The following SRPK2 variants were observed in gnomAD, a reference collection of about 807,000 sequenced individuals.
The protein encoded by SRPK2 is SFRS protein kinase 2.
In SRPK2, 21 loss-of-function variants were observed where a neutral mutation model predicts 90.8. That is an observed-to-expected ratio of 0.23 (90% CI 0.16 to 0.33). The LOEUF is 0.33. Ranked by LOEUF, SRPK2 falls within the 10% of genes least tolerant of loss-of-function variation. The pLI, the probability that SRPK2 is intolerant of heterozygous loss-of-function variation, is 1.00. For synonymous variants in SRPK2, 288 were observed against 311.1 expected, an observed-to-expected ratio of 0.93 and a Z score of 0.78; for missense variants, 620 against 869.0, an observed-to-expected ratio of 0.71 and a Z score of 3.60.
rs1803774369 is a variant in SRPK2 at position 105,258,907 on chromosome 7, A to G, written c.72-55122T>C. ...TATCTCAAAGTAATAGGAGTTATTTATGACAAACCCACAGCCAATATCATA... is the reference window on the plus strand; with the variant it reads ...TATCTCAAAGTAATAGGAGTTATTTGTGACAAACCCACAGCCAATATCATA... On this transcript the variant is annotated intron_variant, in intron 2 of 15. Transcript: ENST00000393651. Among the ~76,000 whole-genome samples, 3 of 152,348 alleles carry G rather than the reference A, an allele frequency of 2.0e-5. No individual in the cohort carries two copies. The South Asian group carries it at 6.2e-4, about 32-fold the overall frequency.
chr7:105,301,845 A>G (rs1309096511), intron 2 of SRPK2: 2 of 1,564,924 alleles, frequency 1.3e-6, no homozygotes, highest in Non-Finnish European at 1.8e-6. Flanking sequence ...AGACAATAAG[A>G]GCAGTTCATG....
intron 2 of SRPK2, among the ~76,000 whole-genome samples, chr7:105,289,376 C>A (rs1280057010): frequency 2.0e-5 from 3 of 152,134 alleles, no homozygotes; most frequent in Non-Finnish European, 2.9e-5. Context: ...TAAAGACATA[C>A]CTCCAGGATA....
At chr7:105,140,187 G>GA (rs571957504) in intron 11 of SRPK2, among the ~76,000 whole-genome samples, 4 of 152,064 alleles carry the variant, frequency 2.6e-5, no homozygotes, top group Non-Finnish European at 5.9e-5. Flanking sequence ...TTTCCCACCT[G>GA]AAGTTAGCTG....
intron 2 of SRPK2, among the ~76,000 whole-genome samples, chr7:105,208,950 C>T (rs991054733): frequency 6.6e-6 from 1 of 150,736 alleles, no homozygotes; most frequent in Non-Finnish European, 1.5e-5. Context: ...AGCAAGACCT[C>T]ATCTCTACAA....
chr7:105,164,186 GT>G (rs1157437359), intron 6 of SRPK2, among the ~76,000 whole-genome samples: 1 of 152,288 alleles, frequency 6.6e-6, no homozygotes, highest in South Asian at 2.1e-4. Context: ...CACTGCAACC[GT>G]TTTTTGGGAT....
intron 7 of SRPK2, among the ~76,000 whole-genome samples, chr7:105,149,383 C>T (rs958151727): frequency 2.6e-5 from 4 of 152,138 alleles, no homozygotes; most frequent in Admixed American, 2.0e-4. Flanking sequence ...TTAATTATGA[C>T]ATAGATTCTA....
intron 5 of SRPK2, 80 bp downstream of exon 5, chr7:105,167,928 A>T: frequency 1.7e-6 from 2 of 1,203,096 alleles, no homozygotes; most frequent in Non-Finnish European, 2.3e-6. Flanking sequence ...ACTTTAATTT[A>T]GTATTACCCA....
intron 1 of SRPK2, among the ~76,000 whole-genome samples, chr7:105,396,766 GAGAA>G (rs1554535214): frequency 4.2e-4 from 59 of 141,200 alleles, no homozygotes; most frequent in Admixed American, 1.7e-3. Flanking sequence ...AGGAAAGAGA[GAGAA>G]AGAAAGAGAG....
At chr7:105,185,031 T>C (rs1793392165) in intron 3 of SRPK2, among the ~76,000 whole-genome samples, 2 of 152,164 alleles carry the variant, frequency 1.3e-5, no homozygotes, top group South Asian at 4.1e-4. Flanking sequence ...GTACATGAAC[T>C]TTAGTACGTG....
rs57653042 is a variant in SRPK2 at position 105,331,308 on chromosome 7, C to CAAAAAAAAAAAAAAAAA, written c.71+57323_71+57339dup. Among the ~76,000 whole-genome samples, 18 of 45,104 alleles carry CAAAAAAAAAAAAAAAAA rather than the reference C, an allele frequency of 4.0e-4. 2 individuals are homozygous for CAAAAAAAAAAAAAAAAA. Among genetic ancestry groups the CAAAAAAAAAAAAAAAAA allele is most frequent in the East Asian group, 1.4e-3 (3 of 2,124 alleles). The allele number at this position is 45,104 out of a possible 152,430, so 29.6% of individuals were successfully genotyped here. A position where few individuals can be genotyped will look rare whatever the true frequency, so the allele number is the denominator to read the frequency against. On this transcript the variant is annotated intron_variant, in intron 2 of 15. Transcript: ENST00000393651. ...TGGGCGACAGAGCGAGACTCCGTCT[C>CAAAAAAAAAAAAAAAAA]AAAAAAAAAAAAAAAAAAAAAAAAA...
chr7:105,227,079 C>T (rs1798806576), intron 2 of SRPK2, among the ~76,000 whole-genome samples: 2 of 152,200 alleles, frequency 1.3e-5, no homozygotes, highest in Non-Finnish European at 1.5e-5. Context: ...AGAATGGGGA[C>T]CATAAAACAC....
chr7:105,128,170 T>C (rs1801475783), intron 13 of SRPK2, among the ~76,000 whole-genome samples: 1 of 152,024 alleles, frequency 6.6e-6, no homozygotes, highest in Non-Finnish European at 1.5e-5. Flanking sequence ...TTCACCTTTT[T>C]TAAAAAAAAA....
intron 2 of SRPK2, among the ~76,000 whole-genome samples, chr7:105,248,478 C>A (rs2129629822): frequency 6.7e-6 from 1 of 149,400 alleles, no homozygotes; most frequent in South Asian, 2.1e-4. Flanking sequence ...GTGGTGTGCA[C>A]CTATAGTCTC....
At chr7:105,345,432 A>C (rs1351107846) in intron 2 of SRPK2, among the ~76,000 whole-genome samples, 2 of 152,218 alleles carry the variant, frequency 1.3e-5, no homozygotes, top group African/African-American at 2.4e-5. Context: ...TTGATGAGAT[A>C]CCCTAAAGTC....
chr7:105,114,804 G>A (rs1450400914), downstream of SRPK2, among the ~76,000 whole-genome samples: 6 of 152,180 alleles, frequency 3.9e-5, no homozygotes, highest in East Asian at 7.7e-4. Context: ...GTACATTAAC[G>A]CAGCTCACTT....
chr7:105,162,868 TACCC>T lies in SRPK2; in HGVS notation c.515-2259_515-2256del, dbSNP rs1361365980. 3.5e-4 allele frequency among the ~76,000 whole-genome samples: 53 copies of T among 152,230 alleles called. 1 individual carries two copies. Among genetic ancestry groups the T allele is most frequent in the Non-Finnish European group, 6.9e-4 (47 of 68,038 alleles). ...AACGTATATTTCAAAAACCTCTATT[TACCC>T]ACGGATTAAGTAGTTTCTCCAAAGA... On this transcript the variant is annotated intron_variant, in intron 6 of 15. Coordinates refer to ENST00000393651, the MANE Select transcript of SRPK2 (RefSeq NM_182692.3).
intron 2 of SRPK2, among the ~76,000 whole-genome samples, chr7:105,290,193 T>A: frequency 1.2e-5 from 1 of 80,098 alleles, no homozygotes; most frequent in Non-Finnish European, 2.9e-5. Flanking sequence ...AGACACAGGC[T>A]CTTCAAAAAA....
At chr7:105,315,882 TC>T (rs1384723451) in intron 2 of SRPK2, among the ~76,000 whole-genome samples, 1 of 152,166 alleles carries the variant, frequency 6.6e-6, no homozygotes, top group African/African-American at 2.4e-5. Context: ...ATGATGGTTT[TC>T]CTCCTAACCC....
chr7:105,250,804 A>T (rs1251099590), intron 2 of SRPK2, among the ~76,000 whole-genome samples: 1 of 152,226 alleles, frequency 6.6e-6, no homozygotes, highest in East Asian at 1.9e-4. Context: ...CTGTAATTCC[A>T]TTAAACAAGT....
Sources: allele counts gnomAD v4.1 joint callset (sites outside exome capture counted in the v4.1 genomes callset), GRCh38; gene constraint gnomAD v4.1.1; transcripts MANE v1.5; gene names NCBI Gene and HGNC (gene_info 2026-07-23, HGNC 2026-07-21).